BANK1: variants seen among roughly 807,000 people sequenced by gnomAD.
BANK1 encodes B cell scaffold protein with ankyrin repeats 1.
A neutral mutation model predicts 94.5 loss-of-function variants in BANK1; 95 were observed. That is an observed-to-expected ratio of 1.00 (90% CI 0.85 to 1.19). The LOEUF is 1.19. Among genes scored for constraint, BANK1 ranks in the 50% most tolerant of loss-of-function variants. The pLI is 0.00. For missense variants in BANK1, 987 were observed against 932.2 expected, an observed-to-expected ratio of 1.06 and a Z score of -0.77; for synonymous variants, 334 against 308.4, an observed-to-expected ratio of 1.08 and a Z score of -0.87.
At chr4:101,949,055 C>T (rs1281134352) in intron 7 of BANK1, among the ~76,000 whole-genome samples, 3 of 152,016 alleles carry the variant, frequency 2.0e-5, no homozygotes, top group Non-Finnish European at 4.4e-5. Flanking sequence ...CTGGTCCTGT[C>T]GCTGAGGCTT....
At chr4:101,816,979 G>C (rs1226560978) in intron 1 of BANK1, among the ~76,000 whole-genome samples, 1 of 152,074 alleles carries the variant, frequency 6.6e-6, no homozygotes, top group Non-Finnish European at 1.5e-5. Flanking sequence ...CCTATTGAGA[G>C]TTGCCAGAAA....
At chr4:101,993,625 A>G (rs147171435) in intron 7 of BANK1, among the ~76,000 whole-genome samples, 105 of 152,288 alleles carry the variant, frequency 6.9e-4, no homozygotes, top group African/African-American at 2.4e-3. Context: ...ATGATATTTT[A>G]TTATCTCTGT....
At chr4:101,935,667 A>C (rs1723504357) in intron 7 of BANK1, among the ~76,000 whole-genome samples, 1 of 151,554 alleles carries the variant, frequency 6.6e-6, no homozygotes, top group South Asian at 2.1e-4. Flanking sequence ...TCAAGTAATT[A>C]GTTTAGGGGT....
chr4:102,026,259 A>G (rs1285448166), intron 9 of BANK1, among the ~76,000 whole-genome samples: 1 of 151,978 alleles, frequency 6.6e-6, no homozygotes, highest in Non-Finnish European at 1.5e-5. Context: ...CTCCAGGCTC[A>G]CTCTTACAGT....
rs191083427 is a variant in BANK1, at chr4:102,010,628, G to A, written c.1207-10886G>A. ...GGCTGGTCTCGAACTCCTGAACTCA[G>A]GTGATCCATCCACTTTGGCCTCCCA... On this transcript the variant is annotated intron_variant, in intron 7 of 16. Transcript: ENST00000322953. Among the ~76,000 whole-genome samples the A allele has an allele frequency of 3.2e-4, 49 of 152,132 alleles. No individual in the cohort carries two copies. In the East Asian group the frequency reaches 9.5e-3, roughly 30 times the overall value.
intron 7 of BANK1, among the ~76,000 whole-genome samples, chr4:101,983,039 CCAAGGCGCAGTATAA>C (rs771378830): frequency 1.3e-5 from 2 of 151,602 alleles, no homozygotes; most frequent in African/African-American, 2.4e-5. Context: ...CTATCATTTC[CCAAGGCGCAGTATAA>C]CTATCCCCTA....
At chr4:101,905,600 C>A (rs1325147973) in intron 6 of BANK1, among the ~76,000 whole-genome samples, 3 of 152,144 alleles carry the variant, frequency 2.0e-5, no homozygotes, top group Non-Finnish European at 4.4e-5. Context: ...TATGACCATG[C>A]TTCCCACAGT....
chr4:101,866,191 C>G (rs1462998501), intron 4 of BANK1, among the ~76,000 whole-genome samples: 1 of 152,038 alleles, frequency 6.6e-6, no homozygotes, highest in African/African-American at 2.4e-5. Flanking sequence ...GAAATCAAAA[C>G]CACCGTATCA....
chr4:101,948,769 G>A (rs1352641438), intron 7 of BANK1, among the ~76,000 whole-genome samples: 1 of 152,072 alleles, frequency 6.6e-6, no homozygotes. Flanking sequence ...CCAAAATGTA[G>A]TAGCTTAAAG....
chr4:101,936,547 C>T (rs564034211), intron 7 of BANK1, among the ~76,000 whole-genome samples: 10 of 149,768 alleles, frequency 6.7e-5, no homozygotes, highest in East Asian at 2.0e-4. Context: ...TACACATACA[C>T]GTATACATAT....
intron 7 of BANK1, among the ~76,000 whole-genome samples, chr4:101,964,887 G>T (rs990214165): frequency 1.3e-5 from 2 of 149,712 alleles, no homozygotes; most frequent in Non-Finnish European, 3.0e-5. Context: ...CTAGCATTAG[G>T]TATATCTCCC....
intron 11 of BANK1, among the ~76,000 whole-genome samples, chr4:102,052,100 G>T (rs1256696526): frequency 2.0e-5 from 3 of 146,830 alleles, no homozygotes; most frequent in Non-Finnish European, 4.5e-5. Context: ...TTCCATAGAT[G>T]TGTTCTTTTT....
chr4:101,904,653 G>T (rs1014149046), intron 6 of BANK1, among the ~76,000 whole-genome samples: 23 of 152,110 alleles, frequency 1.5e-4, no homozygotes, highest in African/African-American at 5.3e-4. Context: ...GACTTTGAGG[G>T]CTATGTAATT....
At chr4:101,981,657 G>A (rs1725328501) in intron 7 of BANK1, among the ~76,000 whole-genome samples, 1 of 151,970 alleles carries the variant, frequency 6.6e-6, no homozygotes, top group Non-Finnish European at 1.5e-5. Context: ...CCTGATCTAT[G>A]GCAGAGGGTT....
chr4:102,069,111 T>A (rs1728679777), intron 13 of BANK1, among the ~76,000 whole-genome samples: 1 of 152,240 alleles, frequency 6.6e-6, no homozygotes, highest in Admixed American at 6.5e-5. Flanking sequence ...CCAGGTTTTT[T>A]ATTGTCTGAG....
chr4:101,994,693 G>A (rs918094359), intron 7 of BANK1, among the ~76,000 whole-genome samples: 1 of 152,122 alleles, frequency 6.6e-6, no homozygotes, highest in Non-Finnish European at 1.5e-5. Flanking sequence ...TGTTAGCAAA[G>A]CAGGAAACCT....
intron 11 of BANK1, 97 bp downstream of exon 11, chr4:102,044,004 A>G: frequency 1.6e-6 from 1 of 635,416 alleles, no homozygotes; most frequent in Non-Finnish European, 2.7e-6. Context: ...AGAAGTATGT[A>G]ATTGTGTGCT....
chr4:102,066,238 T>C (rs1004271093), intron 13 of BANK1, among the ~76,000 whole-genome samples: 2 of 150,818 alleles, frequency 1.3e-5, no homozygotes, highest in African/African-American at 4.8e-5. Context: ...CAATGGAGGA[T>C]TAAAAATACA....
At chr4:101,970,935 T>A (rs990967596) in intron 7 of BANK1, among the ~76,000 whole-genome samples, 1 of 152,098 alleles carries the variant, frequency 6.6e-6, no homozygotes, top group East Asian at 1.9e-4. Context: ...CCCAAGTAAC[T>A]GGCCCGTTGT....
Sources: gnomAD v4.1 joint callset for allele counts (sites outside exome capture counted in the v4.1 genomes callset) on GRCh38, gnomAD v4.1.1 for gene constraint, MANE v1.5 for transcripts, NCBI Gene and HGNC (gene_info 2026-07-23, HGNC 2026-07-21) for gene names.